Variants in MYRIP observed in about 807,000 individuals in gnomAD.
The protein encoded by MYRIP is rab effector MyRIP.
A neutral mutation model predicts 98.0 loss-of-function variants in MYRIP; 49 were observed. That is an observed-to-expected ratio of 0.50 (90% CI 0.40 to 0.63). The LOEUF is 0.63. Among genes scored for constraint, MYRIP ranks in the 30% least tolerant of loss-of-function variants. The probability of loss-of-function intolerance (pLI) is 0.00; values close to 1 mark genes in which losing one functional copy is unlikely to be tolerated. For synonymous variants in MYRIP, 404 were observed against 409.5 expected (o/e 0.99, Z 0.16); for missense variants, 1,004 against 1,058.2 (o/e 0.95, Z 0.71).
chr3:40,207,096 A>G (rs1951808834), intron 10 of MYRIP, among the ~76,000 whole-genome samples: 3 of 152,166 alleles, frequency 2.0e-5, no homozygotes, highest in Admixed American at 1.3e-4. Flanking sequence ...CAGAAAATCT[A>G]TTTGATAGTT....
chr3:40,144,636 G>T (rs901225730), intron 3 of MYRIP, among the ~76,000 whole-genome samples: 1 of 152,210 alleles, frequency 6.6e-6, no homozygotes, highest in African/African-American at 2.4e-5. Context: ...TTTCTTTTGT[G>T]CTTTTAAAGA....
rs536319760 is a variant in MYRIP at position 40,110,568 on chromosome 3, C to T, written c.333-40480C>T. ...GCCTGCTGCAGCTGAGGTCAGAAGC[C>T]CTTGCGTACCTGGGGATACAACACC... is the stretch of plus-strand genomic sequence containing the variant. On this transcript the variant is annotated intron_variant, in intron 3 of 16. Transcript: ENST00000302541. Among the ~76,000 whole-genome samples, 269 of 152,182 alleles carry T rather than the reference C, an allele frequency of 1.8e-3. 3 individuals carry two copies. Among genetic ancestry groups the T allele is most frequent in the Non-Finnish European group, 1.9e-3 (128 of 68,004 alleles).
intron 10 of MYRIP, among the ~76,000 whole-genome samples, chr3:40,192,934 C>T (rs1322271563): frequency 6.6e-6 from 1 of 152,132 alleles, no homozygotes; most frequent in African/African-American, 2.4e-5. Context: ...TAAGCTCCTC[C>T]CTGGGAGGGG....
intron 2 of MYRIP, among the ~76,000 whole-genome samples, chr3:39,928,894 C>T (rs961647960): frequency 6.6e-6 from 1 of 151,900 alleles, no homozygotes; most frequent in Admixed American, 6.6e-5. Flanking sequence ...GCATACTACT[C>T]TTATTTGCAG....
chr3:39,874,893 T>C (rs1156485938), intron 1 of MYRIP, among the ~76,000 whole-genome samples: 2 of 152,168 alleles, frequency 1.3e-5, no homozygotes, highest in Non-Finnish European at 2.9e-5. Context: ...TTTCTATTGA[T>C]TGGAATAGTT....
intron 1 of MYRIP, among the ~76,000 whole-genome samples, chr3:39,825,458 A>G (rs1941233922): frequency 6.6e-6 from 1 of 152,144 alleles, no homozygotes; most frequent in Non-Finnish European, 1.5e-5. Context: ...ATCATATATT[A>G]TAGTTTTTGC....
At chr3:40,137,073 C>CA (rs1231091136) in intron 3 of MYRIP, among the ~76,000 whole-genome samples, 4 of 151,982 alleles carry the variant, frequency 2.6e-5, no homozygotes, top group African/African-American at 7.3e-5. Context: ...AAAAACCCTT[C>CA]AAAAAATCAA....
chr3:40,085,353 C>G (rs1241143781), intron 3 of MYRIP, among the ~76,000 whole-genome samples: 1 of 152,204 alleles, frequency 6.6e-6, no homozygotes, highest in African/African-American at 2.4e-5. Context: ...GTGGCGCGAT[C>G]TTGGCCCACT....
chr3:39,988,455 C>T (rs1039832109), intron 2 of MYRIP, among the ~76,000 whole-genome samples: 5 of 152,162 alleles, frequency 3.3e-5, no homozygotes, highest in African/African-American at 9.6e-5. Context: ...CCACTTTTTC[C>T]TTCATTTTGA....
At chr3:39,918,175 G>A (rs978100245) in intron 2 of MYRIP, among the ~76,000 whole-genome samples, 1 of 152,096 alleles carries the variant, frequency 6.6e-6, no homozygotes, top group African/African-American at 2.4e-5. Context: ...CGGCCTCCCA[G>A]AGTGCTGGGA....
At chr3:39,957,915 A>G (rs1945209690) in intron 2 of MYRIP, among the ~76,000 whole-genome samples, 1 of 152,182 alleles carries the variant, frequency 6.6e-6, no homozygotes. Flanking sequence ...ATCATGAGTG[A>G]ACTCCCATTC....
At chr3:39,982,502 G>T (rs1006850645) in intron 2 of MYRIP, among the ~76,000 whole-genome samples, 4 of 152,088 alleles carry the variant, frequency 2.6e-5, no homozygotes, top group Non-Finnish European at 5.9e-5. Flanking sequence ...ATAAATGCTC[G>T]ATGACCTTGA....
rs1191598692 is a variant in MYRIP, at chr3:40,170,103, C to T, written c.873+10C>T. 1 of 1,613,706 alleles carries T rather than the reference C, an allele frequency of 6.2e-7. No individual in the cohort carries two copies. The highest frequency in any genetic ancestry group is 8.5e-7 in the Non-Finnish European group (1 of 1,179,970). The stretch of plus-strand genomic sequence containing the variant: ...TCCCGCTGCCCTCTGGGTGAGTCCC[C>T]AAGCAGTGCTGGTCTACCCTCCACA... On this transcript the variant is annotated intron_variant, in intron 8 of 16. Coordinates refer to ENST00000302541, the MANE Select transcript of MYRIP (RefSeq NM_015460.4).
At chr3:40,202,320 T>C (rs1575624460) in intron 10 of MYRIP, among the ~76,000 whole-genome samples, 1 of 152,150 alleles carries the variant, frequency 6.6e-6, no homozygotes, top group South Asian at 2.1e-4. Context: ...AGGTGAAAGA[T>C]AGCCTCTATG....
intron 3 of MYRIP, among the ~76,000 whole-genome samples, chr3:40,052,829 C>G (rs543748269): frequency 2.6e-5 from 4 of 152,118 alleles, no homozygotes; most frequent in Admixed American, 2.6e-4. Flanking sequence ...ATGATAAATC[C>G]TTTAAAATAA....
chr3:39,896,826 A>G (rs1943620952), intron 1 of MYRIP, among the ~76,000 whole-genome samples: 2 of 152,110 alleles, frequency 1.3e-5, no homozygotes, highest in South Asian at 2.1e-4. Context: ...ATCTTCCATT[A>G]TGTACTAAGT....
chr3:40,085,711 A>G (rs1417691289), intron 3 of MYRIP, among the ~76,000 whole-genome samples: 2 of 152,208 alleles, frequency 1.3e-5, no homozygotes, highest in Non-Finnish European at 2.9e-5. Context: ...AAAGAATCGA[A>G]AAAGCTTATA....
intron 3 of MYRIP, among the ~76,000 whole-genome samples, chr3:40,112,372 ACTGGTC>A (rs1949177229): frequency 6.6e-6 from 1 of 152,190 alleles, no homozygotes; most frequent in Non-Finnish European, 1.5e-5. Flanking sequence ...TTTGACTCAC[ACTGGTC>A]CTCAGTAAAT....
At chr3:40,108,232 C>G (rs899391580) in intron 3 of MYRIP, among the ~76,000 whole-genome samples, 3 of 146,474 alleles carry the variant, frequency 2.0e-5, no homozygotes, top group Non-Finnish European at 4.6e-5. Flanking sequence ...GAAGATGGCA[C>G]TCACTGAAGT....
Sources: allele counts gnomAD v4.1 joint callset (sites outside exome capture counted in the v4.1 genomes callset), GRCh38; gene constraint gnomAD v4.1.1; transcripts MANE v1.5; gene names NCBI Gene and HGNC (gene_info 2026-07-23, HGNC 2026-07-21).